The following CDK17 variants were observed in gnomAD, a reference collection of about 807,000 sequenced individuals.
The protein encoded by CDK17 is cyclin dependent kinase 17, also known as cyclin-dependent kinase 17.
Under a neutral mutation model 77.6 loss-of-function variants are expected in CDK17, and 24 were observed. The observed-to-expected ratio is 0.31, with a 90% CI of 0.22 to 0.44. CDK17 has a LOEUF of 0.44. Ranked by LOEUF, CDK17 falls within the 20% of genes least tolerant of loss-of-function variation. CDK17 has a pLI of 1.00. For synonymous variants in CDK17, 203 were observed against 210.4 expected (o/e 0.96, Z 0.30); for missense variants, 429 against 622.5 (o/e 0.69, Z 3.31).
intron 11 of CDK17, among the ~76,000 whole-genome samples, chr12:96,287,664 GAGA>G (rs748922738): frequency 5.9e-5 from 9 of 151,986 alleles, no homozygotes; most frequent in Non-Finnish European, 1.2e-4. Context: ...AAAAGAAAAA[GAGA>G]AGGAGAGAGA....
chr12:96,400,387 G>A lies in CDK17; in HGVS notation c.-431C>T, dbSNP rs1157262185. The stretch of plus-strand genomic sequence containing the variant: ...CGGGGAGCTCAGGAGACTGCGGGCG[G>A]CCGCGTTCGCTCCTTGCGTGTGCGT... On this transcript the variant is annotated 5_prime_UTR_variant, in exon 1 of 17. Transcript: ENST00000261211. The A allele has an allele frequency of 5.2e-6, 2 of 384,530 alleles. No individual in the cohort carries two copies. The highest frequency in any genetic ancestry group is 9.2e-6 in the Non-Finnish European group (2 of 217,446). 23.8% of individuals were successfully genotyped at this position (384,530 alleles called of 1,614,324 possible).
In CDK17 at chr12:96,291,208, G is replaced by A. The variant is rs1428280662; in HGVS notation, c.998-1921C>T. Among the ~76,000 whole-genome samples the A allele has an allele frequency of 2.6e-5, 4 of 152,032 alleles. No homozygotes were observed. In the East Asian group the frequency reaches 7.7e-4, roughly 29 times the overall value. ...ATCAGAATTTCTTGTTGCCTTGTGG[G>A]TAAAATTTGCCTGGCTTGCATTGTA... On this transcript the variant is annotated intron_variant, in intron 10 of 16. Coordinates refer to ENST00000261211, the MANE Select transcript of CDK17 (RefSeq NM_002595.5).
chr12:96,394,810 A>G (rs1212954354), intron 1 of CDK17, among the ~76,000 whole-genome samples: 1 of 151,124 alleles, frequency 6.6e-6, no homozygotes, highest in Admixed American at 6.6e-5. Flanking sequence ...AAAAAAAAAA[A>G]AGAAAAAAAA....
Position 96,334,816 on chromosome 12 carries a change from C to G in CDK17, c.21G>C (p.Arg7Ser). Residue 7 changes from arginine to serine, a missense_variant, in exon 2 of 17, where the codon AGG becomes AGC. By Grantham distance (110) the Arg-to-Ser change is moderately radical (BLOSUM62 -1). Transcript: ENST00000261211. MKKFKR[R>S]LSLTLRGSQT... ...GACTTCCTCGGAGTGTGAGGGATAG[C>G]CTTCTCTTAAATTTTTTCATCCTAT... 1 of 1,602,360 alleles carries G rather than the reference C, an allele frequency of 6.2e-7. No homozygotes were observed. The highest frequency in any genetic ancestry group is 8.5e-7 in the Non-Finnish European group (1 of 1,169,854).
rs150389417 is a variant in CDK17 at position 96,313,347 on chromosome 12, G to A, written c.391C>T (p.Arg131Cys). 1.1e-5 allele frequency: 18 copies of A among 1,591,898 alleles called. No individual in the cohort carries two copies. The highest frequency in any genetic ancestry group is 1.5e-5 in the Non-Finnish European group (17 of 1,171,950). ...TCCATTGAGATCCGTCTATGTATAC[G>A]ATTTCTGAGACAAACACCTGTAGGT... ...QSPTGVCLRN[R>C]IHRRISMEDL... Residue 131 changes from arginine to cysteine, a missense_variant, in exon 4 of 17, where the codon CGT becomes TGT. Transcript: ENST00000261211.
chr12:96,293,898 T>C (rs1952362247), intron 10 of CDK17, among the ~76,000 whole-genome samples: 1 of 152,262 alleles, frequency 6.6e-6, no homozygotes. Flanking sequence ...TAATTTTTGC[T>C]TGAAAACTTG....
intron 4 of CDK17, 28 bp downstream of exon 4, chr12:96,313,293 A>G: frequency 6.5e-7 from 1 of 1,539,486 alleles, no homozygotes; most frequent in Non-Finnish European, 8.7e-7. Context: ...CATATTCACA[A>G]GTATATTTGT....
At position 96,280,868 on chromosome 12, in the gene CDK17, A is replaced by G; in HGVS notation, c.1474T>C (p.Leu492=). 6.2e-7 allele frequency: 1 copy of G among 1,613,732 alleles called. No homozygotes were observed. Residue 492 remains leucine, a synonymous_variant, in exon 16 of 17, where the codon TTG becomes CTG. Coordinates refer to ENST00000261211, the MANE Select transcript of CDK17 (RefSeq NM_002595.5). ...TCCTTTTGCAACTGAATCTCTTTCA[A>G]ACTGAATATTGATACACCTAAAATG... ...ALPESVSIFS[L]KEIQLQKDPG... is the part of the protein sequence containing the mutation.
intron 9 of CDK17, among the ~76,000 whole-genome samples, chr12:96,296,579 T>TA (rs1952409826): frequency 6.6e-6 from 1 of 152,238 alleles, no homozygotes; most frequent in Admixed American, 6.5e-5. Context: ...AATAGGTTCT[T>TA]ACATATTGTT....
intron 2 of CDK17, among the ~76,000 whole-genome samples, chr12:96,327,287 T>C (rs1952903647): frequency 6.6e-6 from 1 of 152,176 alleles, no homozygotes; most frequent in Admixed American, 6.5e-5. Context: ...TTTTAAGATA[T>C]CATCTTGGTT....
chr12:96,346,024 T>C (rs904117537), intron 1 of CDK17, among the ~76,000 whole-genome samples: 2 of 152,186 alleles, frequency 1.3e-5, no homozygotes, highest in East Asian at 1.9e-4. Flanking sequence ...CCAATCCACC[T>C]AAATGCTGTC....
At chr12:96,306,749 TA>T (rs1010373173) in intron 5 of CDK17, among the ~76,000 whole-genome samples, 1 of 152,078 alleles carries the variant, frequency 6.6e-6, no homozygotes, top group Non-Finnish European at 1.5e-5. Flanking sequence ...CTAATACATA[TA>T]AAAAAATGAG....
chr12:96,379,024 G>A (rs182064334), intron 1 of CDK17, among the ~76,000 whole-genome samples: 258 of 152,264 alleles, frequency 1.7e-3, no homozygotes, highest in Non-Finnish European at 2.2e-3. Flanking sequence ...GGTTATAATA[G>A]TGGAAGAATC....
rs749653666 is a variant in CDK17 at position 96,289,208 on chromosome 12, C to T, written c.1077G>A (p.Val359=). ...TTGAGTACTCCGAGGAACCAAGAAG[C>T]ACATCAGGTGGCCGGTACCATAGTG... ...VVTLWYRPPD[V]LLGSSEYSTQ... The change falls in exon 11 of 17, where the codon GTG becomes GTA. Residue 359 remains valine, a synonymous_variant. Coordinates refer to ENST00000261211, the MANE Select transcript of CDK17 (RefSeq NM_002595.5). 1 of 1,613,958 alleles carries T rather than the reference C, an allele frequency of 6.2e-7. No homozygotes were observed. Among genetic ancestry groups the T allele is most frequent in the Non-Finnish European group, 8.5e-7 (1 of 1,179,860 alleles).
At chr12:96,285,449 G>C (rs576927081) in intron 13 of CDK17, among the ~76,000 whole-genome samples, 6 of 151,928 alleles carry the variant, frequency 3.9e-5, no homozygotes, top group Non-Finnish European at 8.8e-5. Flanking sequence ...ATTTGGGGGG[G>C]TTGGGGGCAG....
intron 1 of CDK17, among the ~76,000 whole-genome samples, chr12:96,374,891 A>C (rs1041541528): frequency 6.6e-6 from 1 of 152,218 alleles, no homozygotes; most frequent in Non-Finnish European, 1.5e-5. Flanking sequence ...ATTCTTGTCC[A>C]TCCCAATCCT....
rs192889384 is a variant in CDK17 at position 96,299,235 on chromosome 12, T to C, written c.601-252A>G. On this transcript the variant is annotated intron_variant, in intron 6 of 16. Transcript: ENST00000261211. ...GAGTATAAAAACATAGACAGAATAT[T>C]TACTTTTTGTACCTTATTTTAGATT... 1.5e-3 allele frequency among the ~76,000 whole-genome samples: 230 copies of C among 152,284 alleles called. 2 individuals are homozygous for C. Among genetic ancestry groups the C allele is most frequent in the Non-Finnish European group, 1.9e-3 (127 of 68,010 alleles).
At chr12:96,358,835 CCCCCACCCCACCCCA>C (rs71097283) in intron 1 of CDK17, among the ~76,000 whole-genome samples, 10 of 117,492 alleles carry the variant, frequency 8.5e-5, no homozygotes, top group Non-Finnish European at 1.3e-4. Context: ...TCCGTGCCCG[CCCCCACCCCACCCCA>C]CCCCACCCCA....
intron 1 of CDK17, among the ~76,000 whole-genome samples, chr12:96,343,333 A>T (rs1328778155): frequency 6.6e-6 from 1 of 152,216 alleles, no homozygotes. Context: ...CCCATTTCTC[A>T]GCTTTGCCAC....
Sources: gnomAD v4.1 joint callset for allele counts (sites outside exome capture counted in the v4.1 genomes callset) on GRCh38, gnomAD v4.1.1 for gene constraint, MANE v1.5 for transcripts, NCBI Gene and HGNC (gene_info 2026-07-23, HGNC 2026-07-21) for gene names.